MAP6: variants seen among roughly 807,000 people sequenced by gnomAD.
The protein encoded by MAP6 is microtubule-associated protein 6.
In MAP6, 26 loss-of-function variants were observed where a neutral mutation model predicts 42.4. The observed-to-expected ratio is 0.61, with a 90% CI of 0.45 to 0.85. The LOEUF (loss-of-function observed/expected upper bound fraction) is 0.85. Among genes scored for constraint, MAP6 ranks in the 40% least tolerant of loss-of-function variants. The pLI is 0.00. For missense variants in MAP6, 966 were observed against 1,099.0 expected (o/e 0.88, Z 1.71); for synonymous variants, 418 against 443.8 (o/e 0.94, Z 0.73).
In MAP6 at chr11:75,587,683, T is replaced by G. The variant is rs1565250226; in HGVS notation, c.1818A>C (p.Gln606His). 6.2e-7 allele frequency: 1 copy of G among 1,613,668 alleles called. No homozygotes were observed. Among genetic ancestry groups the G allele is most frequent in the Non-Finnish European group, 8.5e-7 (1 of 1,179,850 alleles). ...TGACAGGTGCTGGGACTATGGGACC[T>G]TGATCCTTGACAGGTGCTGAGACCA... ...GPMVSAPVKD[Q>H]GPIVPAPVKG... The change falls in exon 4 of 4, where the codon CAA becomes CAC. Residue 606 changes from glutamine to histidine, a missense_variant. Coordinates refer to ENST00000304771, the MANE Select transcript of MAP6 (RefSeq NM_033063.2).
intron 1 of MAP6, among the ~76,000 whole-genome samples, chr11:75,641,392 G>A (rs1277498599): frequency 1.3e-5 from 2 of 150,962 alleles, no homozygotes; most frequent in African/African-American, 4.9e-5. Context: ...TAAATGACGA[G>A]TTAATGGGTG....
intron 3 of MAP6, among the ~76,000 whole-genome samples, chr11:75,600,833 G>A (rs943200562): frequency 2.0e-5 from 3 of 152,214 alleles, no homozygotes; most frequent in African/African-American, 7.2e-5. Flanking sequence ...TGAGAAGCAG[G>A]TTGTAAATTC....
chr11:75,635,900 T>C (rs923161373), intron 1 of MAP6: 1 of 152,262 alleles, frequency 6.6e-6, no homozygotes, highest in Non-Finnish European at 1.5e-5. Context: ...AGTTGTTTTA[T>C]AATAAGTACA....
chr11:75,643,664 G>A (rs1283538091), intron 1 of MAP6, among the ~76,000 whole-genome samples: 1 of 152,194 alleles, frequency 6.6e-6, no homozygotes, highest in Non-Finnish European at 1.5e-5. Context: ...TGAACACAGT[G>A]ATAAGAATAA....
intron 1 of MAP6, among the ~76,000 whole-genome samples, chr11:75,661,365 T>C (rs943396066): frequency 2.6e-5 from 4 of 152,066 alleles, no homozygotes; most frequent in Admixed American, 6.5e-5. Flanking sequence ...TAACCTTGAT[T>C]CCAACAGTAC....
chr11:75,590,264 G>A (rs1040791357), intron 3 of MAP6, among the ~76,000 whole-genome samples: 3 of 152,160 alleles, frequency 2.0e-5, no homozygotes, highest in Admixed American at 6.5e-5. Context: ...ATTGTGAAGC[G>A]ACCTGGGTGG....
chr11:75,593,767 G>T (rs1391895384), intron 3 of MAP6, among the ~76,000 whole-genome samples: 1 of 152,210 alleles, frequency 6.6e-6, no homozygotes, highest in Admixed American at 6.5e-5. Context: ...AATAACTATG[G>T]GCCAGGCTTG....
chr11:75,665,859 T>G (rs1181665233), intron 1 of MAP6, among the ~76,000 whole-genome samples: 3 of 152,086 alleles, frequency 2.0e-5, no homozygotes, highest in Non-Finnish European at 4.4e-5. Flanking sequence ...GTGGTTGTTG[T>G]GATAGCAATA....
intron 1 of MAP6, among the ~76,000 whole-genome samples, chr11:75,614,536 C>A (rs1942962294): frequency 6.6e-6 from 1 of 152,174 alleles, no homozygotes; most frequent in Non-Finnish European, 1.5e-5. Context: ...TAAGGACATT[C>A]AAGTAGCCCT....
chr11:75,621,987 C>T (rs189396824), intron 1 of MAP6, among the ~76,000 whole-genome samples: 3 of 152,084 alleles, frequency 2.0e-5, no homozygotes, highest in African/African-American at 7.2e-5. Context: ...CATGCCACTG[C>T]ACTCCAGCAT....
intron 1 of MAP6, among the ~76,000 whole-genome samples, chr11:75,613,840 C>G (rs1288138478): frequency 1.3e-5 from 2 of 152,180 alleles, no homozygotes; most frequent in African/African-American, 4.8e-5. Flanking sequence ...CAACCCCCTA[C>G]TAAGGGATGG....
At chr11:75,622,523 G>T (rs1379413837) in intron 1 of MAP6, among the ~76,000 whole-genome samples, 1 of 152,210 alleles carries the variant, frequency 6.6e-6, no homozygotes, top group Non-Finnish European at 1.5e-5. Context: ...TTCATATACT[G>T]CAAGAGTCAA....
chr11:75,605,174 A>G (rs1942738526), intron 3 of MAP6: 1 of 985,432 alleles, frequency 1.0e-6, no homozygotes, highest in African/African-American at 1.7e-5. Context: ...CTCGGTATAC[A>G]ATTTAAAGCC....
intron 1 of MAP6, among the ~76,000 whole-genome samples, chr11:75,637,306 A>G (rs1565272305): frequency 6.6e-6 from 1 of 152,194 alleles, no homozygotes; most frequent in Non-Finnish European, 1.5e-5. Flanking sequence ...GCTCCTTTCA[A>G]TCATGCAAGA....
chr11:75,593,601 T>C (rs528666619), intron 3 of MAP6, among the ~76,000 whole-genome samples: 1 of 152,284 alleles, frequency 6.6e-6, no homozygotes, highest in East Asian at 1.9e-4. Context: ...TGTTGCACCA[T>C]CAAAGCAGCC....
intron 1 of MAP6, among the ~76,000 whole-genome samples, chr11:75,639,101 C>T (rs2135652046): frequency 6.6e-6 from 1 of 152,164 alleles, no homozygotes; most frequent in Non-Finnish European, 1.5e-5. Context: ...ATAATGTGTA[C>T]ACATGGACAC....
At chr11:75,628,179 C>T (rs1009135474) in intron 1 of MAP6, among the ~76,000 whole-genome samples, 2 of 152,122 alleles carry the variant, frequency 1.3e-5, no homozygotes, top group Non-Finnish European at 1.5e-5. Flanking sequence ...AAAGAATGCA[C>T]GGTGCTGTTT....
At chr11:75,628,545 C>T (rs1474964390) in intron 1 of MAP6, among the ~76,000 whole-genome samples, 1 of 152,182 alleles carries the variant, frequency 6.6e-6, no homozygotes, top group Non-Finnish European at 1.5e-5. Context: ...GCAGTAGAAG[C>T]CCACTGTAGG....
At chr11:75,661,230 A>G (rs563834932) in intron 1 of MAP6, among the ~76,000 whole-genome samples, 6 of 152,254 alleles carry the variant, frequency 3.9e-5, no homozygotes, top group Admixed American at 2.6e-4. Flanking sequence ...ATCCATGAAA[A>G]AGACAACAGG....
Sources: gnomAD v4.1 joint callset for allele counts (sites outside exome capture counted in the v4.1 genomes callset) on GRCh38, gnomAD v4.1.1 for gene constraint, MANE v1.5 for transcripts, NCBI Gene and HGNC (gene_info 2026-07-23, HGNC 2026-07-21) for gene names.